The following MROH2B variants were observed in gnomAD, a reference collection of about 807,000 sequenced individuals.
The protein encoded by MROH2B is maestro heat like repeat family member 2B.
A neutral mutation model predicts 208.6 loss-of-function variants in MROH2B; 177 were observed. The observed-to-expected ratio is 0.85, with a 90% confidence interval of 0.75 to 0.96. The LOEUF (loss-of-function observed/expected upper bound fraction) is 0.96. Among genes scored for constraint, MROH2B ranks in the 40% least tolerant of loss-of-function variants. The probability of loss-of-function intolerance (pLI) is 0.00; values close to 1 mark genes in which losing one functional copy is unlikely to be tolerated. For missense variants in MROH2B, 2,002 were observed against 1,878.7 expected (o/e 1.07, Z -1.21); for synonymous variants, 728 against 659.0 (o/e 1.10, Z -1.60).
intron 24 of MROH2B, among the ~76,000 whole-genome samples, chr5:41,027,724 A>T (rs1742422528): frequency 1.3e-5 from 2 of 152,226 alleles, no homozygotes; most frequent in African/African-American, 4.8e-5. Flanking sequence ...TGCTGCTATA[A>T]AGACACATGC....
At chr5:41,005,349 T>C (rs1423595549) in intron 35 of MROH2B, 182 bp downstream of exon 35, 1 of 569,670 alleles carries the variant, frequency 1.8e-6, no homozygotes, top group Non-Finnish European at 3.1e-6. Flanking sequence ...GGTGGTTTAT[T>C]TTCCTCTCTC....
In MROH2B at chr5:41,057,118, GAA is replaced by G; in HGVS notation, c.908_909del (p.Phe303SerfsTer16). ...KENEMKASSC[F>X]LILAHSNPGE... ...TGGATGCTGGTCCTACCTAGAATGA[GAA>G]AACAGCTTGAAGCTTTCATTTCATT... On this transcript the variant is annotated frameshift_variant, in exon 9 of 42. Transcript: ENST00000399564. LOFTEE classifies it high-confidence loss of function. 6.2e-7 allele frequency: 1 copy of G among 1,614,018 alleles called. No individual in the cohort carries two copies. Among genetic ancestry groups the G allele is most frequent in the Non-Finnish European group, 8.5e-7 (1 of 1,179,872 alleles).
intron 29 of MROH2B, among the ~76,000 whole-genome samples, chr5:41,014,950 A>G (rs367654571): frequency 6.6e-6 from 1 of 152,226 alleles, no homozygotes; most frequent in East Asian, 1.9e-4. Context: ...AGAGCTTTAC[A>G]TATGGTAGGT....
chr5:41,004,700 C>G (rs1741517452), intron 36 of MROH2B, 74 bp downstream of exon 36: 1 of 1,555,606 alleles, frequency 6.4e-7, no homozygotes, highest in East Asian at 2.3e-5. Flanking sequence ...TATGCAACAA[C>G]TAGGCGTGGG....
rs756584525 is a variant in MROH2B at position 41,048,372 on chromosome 5, C to A, written c.1636G>T (p.Val546Leu). ...ILPEIIHPKL[V>L]DLWKTRLPEL... ...GGTAAACGTGTTTTCCATAGGTCTA[C>A]CAATTTTGGGTGAATTATCTCAGGC... The change falls in exon 16 of 42, where the codon GTA (valine) becomes TTA (leucine). Residue 546 changes from valine (V) to leucine (L), a missense_variant. By Grantham distance (32) the Val-to-Leu change is conservative. Coordinates refer to ENST00000399564, the MANE Select transcript of MROH2B (RefSeq NM_173489.5). The A allele has an allele frequency of 1.8e-5, 29 of 1,613,536 alleles. No homozygotes were observed. Among genetic ancestry groups the A allele is most frequent in the Admixed American group, 3.3e-5 (2 of 59,960 alleles).
chr5:41,004,160 A>T (rs924535923), intron 37 of MROH2B, among the ~76,000 whole-genome samples, 186 bp downstream of exon 37: 2 of 152,198 alleles, frequency 1.3e-5, no homozygotes, highest in South Asian at 2.1e-4. Flanking sequence ...GCCAGGCCAT[A>T]GAGCACCCTC....
chr5:41,009,211 C>A, intron 32 of MROH2B, 69 bp downstream of exon 32: 2 of 1,580,248 alleles, frequency 1.3e-6, no homozygotes, highest in Admixed American at 1.7e-5. Flanking sequence ...GCACCAAGCT[C>A]CAGGTGGGGA....
chr5:41,049,772 T>C (rs1743232178), intron 13 of MROH2B, among the ~76,000 whole-genome samples: 1 of 152,178 alleles, frequency 6.6e-6, no homozygotes, highest in South Asian at 2.1e-4. Flanking sequence ...CTCTTGTCAA[T>C]GTGACAACCA....
chr5:41,062,233 T>C lies in MROH2B; in HGVS notation c.461-509A>G, dbSNP rs377655248. The stretch of plus-strand genomic sequence containing the variant: ...ATAGCTGCTAATAGGTAGAATTCTA[T>C]TACATTCTATAGACATGTAATAGAA... On this transcript the variant is annotated intron_variant, in intron 5 of 41. Transcript: ENST00000399564. Among the ~76,000 whole-genome samples the C allele has an allele frequency of 5.9e-5, 9 of 152,328 alleles. No homozygotes were observed. The East Asian group carries it at 1.2e-3, about 20-fold the overall frequency.
At chr5:41,022,703 G>T (rs1319926657) in intron 24 of MROH2B, among the ~76,000 whole-genome samples, 1 of 152,204 alleles carries the variant, frequency 6.6e-6, no homozygotes, top group Non-Finnish European at 1.5e-5. Flanking sequence ...AGAGAGTAGT[G>T]GTTCTCCCGG....
At chr5:41,069,131 T>A (rs1743901113) in intron 2 of MROH2B, among the ~76,000 whole-genome samples, 1 of 152,190 alleles carries the variant, frequency 6.6e-6, no homozygotes, top group East Asian at 1.9e-4. Context: ...AGTTATCAAA[T>A]GGAAATAGCA....
At position 41,005,425 on chromosome 5, in the gene MROH2B, C is replaced by CT. The variant is rs56951795; in HGVS notation, c.3864+105dup. 6.3e-3 allele frequency: 1,366 copies of CT among 216,424 alleles called. 47 individuals are homozygous for CT. Among genetic ancestry groups the CT allele is most frequent in the South Asian group, 0.017 (373 of 22,080 alleles). 13.4% of individuals were successfully genotyped at this position (216,424 alleles called of 1,614,324 possible). A position where few individuals can be genotyped will look rare whatever the true frequency, so the allele number is the denominator to read the frequency against. On this transcript the variant is annotated intron_variant, in intron 35 of 41. Coordinates refer to ENST00000399564, the MANE Select transcript of MROH2B (RefSeq NM_173489.5). ...TCTCCTCTATGAAACCCCCCCCCCC[C>CT]TTGAAGTCTCTCTTCCCTGGTTCCA...
At chr5:41,046,256 T>C (rs1579945478) in intron 17 of MROH2B, among the ~76,000 whole-genome samples, 2 of 150,116 alleles carry the variant, frequency 1.3e-5, no homozygotes, top group Admixed American at 6.6e-5. Flanking sequence ...CCAAACACGA[T>C]GGAGATTTTT....
In MROH2B at chr5:41,055,827, T is replaced by A. The variant is rs749413714; in HGVS notation, c.948A>T (p.Glu316Asp). The change falls in exon 10 of 42, where the codon GAA (glutamate) becomes GAT (aspartate). Residue 316 changes from glutamate (E) to aspartate (D), a missense_variant. By Grantham distance (45) the Glu-to-Asp change is conservative. Transcript: ENST00000399564. ...LAHSNPGELMEFFDEQVRSNN... is the reference protein window; with the variant it reads ...LAHSNPGELMDFFDEQVRSNN... Reference sequence around the variant, plus strand: ...TACTTCTTACTTGTTCATCAAAAAATTCCATCAGCTCTCCAGGATTGGAAT... The same window carrying A: ...TACTTCTTACTTGTTCATCAAAAAAATCCATCAGCTCTCCAGGATTGGAAT... The A allele has an allele frequency of 1.2e-6, 2 of 1,613,678 alleles. No individual in the cohort carries two copies. The highest frequency in any genetic ancestry group is 4.5e-5 in the East Asian group (2 of 44,866).
rs1742869537 is a variant in MROH2B at position 41,039,348 on chromosome 5, G to T, written c.2061+100C>A. 4.4e-6 allele frequency: 3 copies of T among 680,812 alleles called. No homozygotes were observed. The East Asian group carries it at 8.3e-5, about 19-fold the overall frequency. 42.2% of individuals were successfully genotyped at this position (680,812 alleles called of 1,614,324 possible). A position where few individuals can be genotyped will look rare whatever the true frequency, so the allele number is the denominator to read the frequency against. On this transcript the variant is annotated intron_variant, in intron 20 of 41. Coordinates refer to ENST00000399564, the MANE Select transcript of MROH2B (RefSeq NM_173489.5). The stretch of plus-strand genomic sequence containing the variant: ...GTTCTGACCTGGAATAAGAACCTGG[G>T]GACAGGAGTAAGTATAATATAAGAA...
chr5:41,005,020 A>C, intron 35 of MROH2B, 100 bp from the exon 36 acceptor site: 2 of 1,450,320 alleles, frequency 1.4e-6, no homozygotes, highest in Non-Finnish European at 1.8e-6. Context: ...AGAGGACCCC[A>C]CTGCTTGTGC....
chr5:41,064,583 G>A lies in MROH2B; in HGVS notation c.362-13C>T. 1 of 1,595,174 alleles carries A rather than the reference G, an allele frequency of 6.3e-7. No homozygotes were observed. On this transcript the variant is annotated splice_polypyrimidine_tract_variant and intron_variant, in intron 4 of 41. Coordinates refer to ENST00000399564, the MANE Select transcript of MROH2B (RefSeq NM_173489.5). Reference sequence around the variant, plus strand: ...ATACTCTGGGACACTGGAGGGAGAGGCAGAAAGGAGACAAGTGTTATTTAT... The same window carrying A: ...ATACTCTGGGACACTGGAGGGAGAGACAGAAAGGAGACAAGTGTTATTTAT...
intron 6 of MROH2B, among the ~76,000 whole-genome samples, chr5:41,061,361 A>T (rs1341449262): frequency 1.3e-5 from 2 of 152,172 alleles, no homozygotes; most frequent in Non-Finnish European, 2.9e-5. Context: ...AGTGTCTGGC[A>T]TGTCATGGGG....
intron 37 of MROH2B, 61 bp from the exon 38 acceptor site, chr5:41,000,894 A>C: frequency 6.5e-7 from 1 of 1,527,954 alleles, no homozygotes. Flanking sequence ...CTGCTAGCAC[A>C]CTCTTGGCTC....
Sources: allele counts gnomAD v4.1 joint callset (sites outside exome capture counted in the v4.1 genomes callset), GRCh38; gene constraint gnomAD v4.1.1; transcripts MANE v1.5; gene names NCBI Gene and HGNC (gene_info 2026-07-23, HGNC 2026-07-21).